Variants in RASA2 observed in about 807,000 individuals in gnomAD.
The protein encoded by RASA2 is ras GTPase-activating protein 2.
In RASA2, 155 loss-of-function variants were observed where a neutral mutation model predicts 118.2. That is an observed-to-expected ratio of 1.31 (90% CI 1.15 to 1.50). The LOEUF (loss-of-function observed/expected upper bound fraction) is 1.50. Among genes scored for constraint, RASA2 ranks in the 40% most tolerant of loss-of-function variants. RASA2 has a pLI of 0.00. For synonymous variants in RASA2, 353 were observed against 349.1 expected, an observed-to-expected ratio of 1.01 and a Z score of -0.12; for missense variants, 1,016 against 1,009.6, an observed-to-expected ratio of 1.01 and a Z score of -0.09.
At chr3:141,606,244 C>T (rs1158424796) in intron 19 of RASA2, among the ~76,000 whole-genome samples, 1 of 152,138 alleles carries the variant, frequency 6.6e-6, no homozygotes, top group Non-Finnish European at 1.5e-5. Context: ...GCCTCCCTGC[C>T]CCACCATTCA....
chr3:141,523,928 A>G (rs1473903584), intron 3 of RASA2, among the ~76,000 whole-genome samples: 1 of 152,216 alleles, frequency 6.6e-6, no homozygotes. Flanking sequence ...GTCTTTTCCA[A>G]CACTTTGAAT....
intron 5 of RASA2, among the ~76,000 whole-genome samples, chr3:141,552,409 AGTTAC>A (rs2082588098): frequency 6.6e-6 from 1 of 152,216 alleles, no homozygotes; most frequent in Non-Finnish European, 1.5e-5. Flanking sequence ...GCTTCTTACA[AGTTAC>A]GCTACCTCTT....
chr3:141,551,601 C>A (rs1384401255), intron 5 of RASA2, among the ~76,000 whole-genome samples: 1 of 152,182 alleles, frequency 6.6e-6, no homozygotes, highest in Non-Finnish European at 1.5e-5. Flanking sequence ...GCCTCTTCTT[C>A]TCAGAGAAAC....
chr3:141,516,285 A>G (rs1271655215), intron 2 of RASA2, 43 bp from the exon 3 acceptor site: 6 of 1,258,010 alleles, frequency 4.8e-6, no homozygotes, highest in Non-Finnish European at 6.2e-6. Flanking sequence ...ATTATTATTT[A>G]TTTTATATTA....
intron 1 of RASA2, 137 bp from the exon 2 acceptor site, chr3:141,512,026 C>G: frequency 1.6e-6 from 1 of 624,226 alleles, no homozygotes; most frequent in Non-Finnish European, 2.7e-6. Context: ...CCAGCTTGAT[C>G]TTTCTGTAAT....
chr3:141,538,518 A>G (rs908935362), intron 4 of RASA2, among the ~76,000 whole-genome samples: 5 of 152,176 alleles, frequency 3.3e-5, no homozygotes, highest in Admixed American at 1.3e-4. Context: ...AGTTAACATT[A>G]TAGTATGTAC....
At chr3:141,523,298 A>G (rs2082138722) in intron 3 of RASA2, among the ~76,000 whole-genome samples, 1 of 151,922 alleles carries the variant, frequency 6.6e-6, no homozygotes, top group South Asian at 2.1e-4. Context: ...GCTAATTTTT[A>G]TATTTTTAGT....
At chr3:141,559,059 C>T (rs1297573909) in intron 8 of RASA2, 97 bp downstream of exon 8, 1 of 975,746 alleles carries the variant, frequency 1.0e-6, no homozygotes, top group Non-Finnish European at 1.5e-6. Context: ...ATAGAATTCT[C>T]TATAGCAAGT....
intron 3 of RASA2, among the ~76,000 whole-genome samples, chr3:141,529,314 T>C (rs2082225972): frequency 1.3e-5 from 2 of 152,120 alleles, no homozygotes; most frequent in Non-Finnish European, 2.9e-5. Flanking sequence ...ATACATCTGC[T>C]CAAAACTTGT....
At chr3:141,599,774 C>G (rs1455230448) in intron 19 of RASA2, among the ~76,000 whole-genome samples, 1 of 140,302 alleles carries the variant, frequency 7.1e-6, no homozygotes, top group Non-Finnish European at 1.7e-5. Flanking sequence ...TTCATTCAGT[C>G]TAATACTTCT....
intron 7 of RASA2, 38 bp downstream of exon 7, chr3:141,555,950 T>G: frequency 1.4e-6 from 2 of 1,460,624 alleles, no homozygotes; most frequent in Non-Finnish European, 1.9e-6. Flanking sequence ...ACATTAAATA[T>G]GTAATATTTA....
chr3:141,540,176 GT>G (rs2082386362), intron 4 of RASA2, among the ~76,000 whole-genome samples: 1 of 151,952 alleles, frequency 6.6e-6, no homozygotes, highest in African/African-American at 2.4e-5. Flanking sequence ...CTTAATGCTG[GT>G]TTATCTTCTG....
At chr3:141,559,868 A>C (rs1386995909) in intron 8 of RASA2, 26 bp from the exon 9 acceptor site, 1 of 1,592,712 alleles carries the variant, frequency 6.3e-7, no homozygotes, top group Non-Finnish European at 8.6e-7. Context: ...TGTTTGCAAA[A>C]CATAAAGCCA....
Position 141,506,914 on chromosome 3 carries a change from T to G in RASA2, c.134-5249T>G, listed in dbSNP as rs559707687. Among the ~76,000 whole-genome samples, 573 of 95,432 alleles carry G rather than the reference T, an allele frequency of 6.0e-3. 5 individuals carry two copies. Among genetic ancestry groups the G allele is most frequent in the African/African-American group, 0.023 (549 of 23,994 alleles). The allele number at this position is 95,432 out of a possible 152,430, so 62.6% of individuals were successfully genotyped here. Reference sequence around the variant, plus strand: ...GTGGGCGACAGAGCGAGACCCTGTCTCAAAAAAAAAAAAAAAAAGAAAAAG... The same window carrying G: ...GTGGGCGACAGAGCGAGACCCTGTCGCAAAAAAAAAAAAAAAAAGAAAAAG... On this transcript the variant is annotated intron_variant, in intron 1 of 23. Coordinates refer to ENST00000286364, the MANE Select transcript of RASA2 (RefSeq NM_006506.5).
At chr3:141,568,271 A>C (rs1384608628) in intron 9 of RASA2, among the ~76,000 whole-genome samples, 1 of 152,210 alleles carries the variant, frequency 6.6e-6, no homozygotes, top group Non-Finnish European at 1.5e-5. Context: ...TCAGGTAAAA[A>C]AAACAAGATA....
chr3:141,543,868 T>C (rs1014837416), intron 5 of RASA2, among the ~76,000 whole-genome samples: 30 of 123,740 alleles, frequency 2.4e-4, no homozygotes, highest in Admixed American at 1.9e-3. Context: ...TTTCTTTCTT[T>C]CTTTTTTCTT....
intron 2 of RASA2, 117 bp downstream of exon 2, chr3:141,512,397 G>T (rs2081965289): frequency 1.4e-6 from 1 of 699,764 alleles, no homozygotes; most frequent in Non-Finnish European, 2.3e-6. Flanking sequence ...GCTTTCATGT[G>T]GCTTTTCATT....
intron 4 of RASA2, among the ~76,000 whole-genome samples, chr3:141,534,930 A>G (rs1261209482): frequency 6.6e-6 from 1 of 152,228 alleles, no homozygotes; most frequent in Non-Finnish European, 1.5e-5. Context: ...AAAATCATTT[A>G]TAGAGGTAAT....
At chr3:141,509,595 T>C (rs753682061) in intron 1 of RASA2, among the ~76,000 whole-genome samples, 52 of 152,292 alleles carry the variant, frequency 3.4e-4, no homozygotes, top group Non-Finnish European at 5.9e-4. Flanking sequence ...AGTTGGACTT[T>C]CGTTTAAAAA....
Sources: allele counts gnomAD v4.1 joint callset (sites outside exome capture counted in the v4.1 genomes callset), GRCh38; gene constraint gnomAD v4.1.1; transcripts MANE v1.5; gene names NCBI Gene and HGNC (gene_info 2026-07-23, HGNC 2026-07-21).